Variants in ASAP1 observed in about 807,000 individuals in gnomAD.
The protein encoded by ASAP1 is ArfGAP with SH3 domain, ankyrin repeat and PH domain 1.
ASAP1 carries 43 observed loss-of-function variants against 145.2 expected under a neutral mutation model. The ratio of observed to expected loss-of-function variants is 0.30; its 90% CI spans 0.23 to 0.38. ASAP1 has a LOEUF of 0.38. ASAP1 is among the 10% of genes least tolerant of loss of function. ASAP1 has a pLI of 1.00. For missense variants in ASAP1, 1,018 were observed against 1,355.3 expected (o/e 0.75, Z 3.91); for synonymous variants, 546 against 515.5 (o/e 1.06, Z -0.80).
intron 14 of ASAP1, among the ~76,000 whole-genome samples, chr8:130,135,098 G>C (rs1178267620): frequency 6.6e-6 from 1 of 152,190 alleles, no homozygotes; most frequent in Non-Finnish European, 1.5e-5. Flanking sequence ...AATATATTCA[G>C]GTCAAACTAA....
At chr8:130,396,988 C>T (rs1235555978) in intron 2 of ASAP1, among the ~76,000 whole-genome samples, 1 of 152,158 alleles carries the variant, frequency 6.6e-6, no homozygotes, top group South Asian at 2.1e-4. Context: ...CCATGTGCTG[C>T]GCTCCTGTCT....
intron 23 of ASAP1, among the ~76,000 whole-genome samples, chr8:130,113,229 C>T (rs377628880): frequency 1.8e-4 from 27 of 152,308 alleles, no homozygotes; most frequent in African/African-American, 6.3e-4. Flanking sequence ...CAGCTGCCTG[C>T]CTCTCCCCAC....
chr8:130,206,466 C>A (rs997501235), intron 5 of ASAP1, among the ~76,000 whole-genome samples: 2 of 150,938 alleles, frequency 1.3e-5, no homozygotes, highest in Non-Finnish European at 1.5e-5. Context: ...AAAAAAAAAA[C>A]AACTTTAACA....
intron 3 of ASAP1, among the ~76,000 whole-genome samples, chr8:130,277,353 C>T (rs775689780): frequency 2.6e-5 from 4 of 152,104 alleles, no homozygotes; most frequent in Non-Finnish European, 5.9e-5. Context: ...TAACTATAAG[C>T]CATACTAGTT....
At chr8:130,417,235 C>G (rs1829521840) in intron 1 of ASAP1, among the ~76,000 whole-genome samples, 1 of 144,224 alleles carries the variant, frequency 6.9e-6, no homozygotes, top group Non-Finnish European at 1.6e-5. Flanking sequence ...TGCACACATA[C>G]AGACAGACAG....
At chr8:130,074,440 A>AACACACACACACACACACAC in intron 27 of ASAP1, among the ~76,000 whole-genome samples, 1 of 119,330 alleles carries the variant, frequency 8.4e-6, no homozygotes, top group East Asian at 3.0e-4. Flanking sequence ...CCAAATAGTA[A>AACACACACACACACACACAC]ACACACACAC....
At chr8:130,401,861 C>A (rs376889213) in intron 2 of ASAP1, 24 bp downstream of exon 2, 5 of 1,608,060 alleles carry the variant, frequency 3.1e-6, no homozygotes, top group Admixed American at 1.7e-5. Context: ...GTTTTCTGGA[C>A]AGGATGGGCT....
At chr8:130,359,406 C>A (rs891902457) in intron 2 of ASAP1, among the ~76,000 whole-genome samples, 5 of 151,904 alleles carry the variant, frequency 3.3e-5, no homozygotes, top group African/African-American at 9.7e-5. Flanking sequence ...TTTAATTTCT[C>A]ACCATTCGCT....
At chr8:130,312,812 C>T (rs1468472059) in intron 3 of ASAP1, among the ~76,000 whole-genome samples, 1 of 152,162 alleles carries the variant, frequency 6.6e-6, no homozygotes, top group African/African-American at 2.4e-5. Context: ...TTAGCTTGTT[C>T]TACCATTTAG....
chr8:130,373,084 AC>A (rs200162907), intron 2 of ASAP1, among the ~76,000 whole-genome samples: 11 of 140,522 alleles, frequency 7.8e-5, no homozygotes, highest in African/African-American at 2.7e-4. Flanking sequence ...ACACACAGAC[AC>A]CCCCCCACAC....
At position 130,300,153 on chromosome 8, in the gene ASAP1, C is replaced by CAGAGAGAGAGAGAGAGAG. The variant is rs369720584; in HGVS notation, c.186+57846_186+57863dup. On this transcript the variant is annotated intron_variant, in intron 3 of 29. Coordinates refer to ENST00000518721, the MANE Select transcript of ASAP1 (RefSeq NM_018482.4). ...ACACACACACACACACACACACACA[C>CAGAGAGAGAGAGAGAGAG]AGAGAGAGAGAGAGAGAGAGAGAGA... 1.2e-3 allele frequency among the ~76,000 whole-genome samples: 93 copies of CAGAGAGAGAGAGAGAGAG among 76,914 alleles called. 2 individuals carry two copies. Among genetic ancestry groups the CAGAGAGAGAGAGAGAGAG allele is most frequent in the Admixed American group, 2.8e-3 (18 of 6,458 alleles). 50.5% of individuals were successfully genotyped at this position (76,914 alleles called of 152,430 possible).
intron 3 of ASAP1, among the ~76,000 whole-genome samples, chr8:130,256,967 A>T (rs2136932754): frequency 6.6e-6 from 1 of 151,666 alleles, no homozygotes. Flanking sequence ...ATGGAGCTGG[A>T]GTGCTAAAGG....
At chr8:130,394,105 G>A (rs1828409246) in intron 2 of ASAP1, among the ~76,000 whole-genome samples, 2 of 152,176 alleles carry the variant, frequency 1.3e-5, no homozygotes, top group African/African-American at 2.4e-5. Flanking sequence ...ATGAAATCTG[G>A]GCACCTTGAA....
intron 24 of ASAP1, among the ~76,000 whole-genome samples, chr8:130,095,241 T>C (rs183458066): frequency 6.6e-6 from 1 of 152,044 alleles, no homozygotes; most frequent in Non-Finnish European, 1.5e-5. Flanking sequence ...AGAGTAAATA[T>C]TTACTGAATA....
intron 1 of ASAP1, among the ~76,000 whole-genome samples, chr8:130,428,849 CA>C (rs527709679): frequency 3.6e-4 from 55 of 152,230 alleles, no homozygotes; most frequent in Admixed American, 1.4e-3. Context: ...CTAGGGCTGT[CA>C]TTAAAAAGTA....
chr8:130,321,406 G>A (rs1823995573), intron 3 of ASAP1, among the ~76,000 whole-genome samples: 1 of 151,982 alleles, frequency 6.6e-6, no homozygotes, highest in Admixed American at 6.6e-5. Flanking sequence ...GGCATGTGAG[G>A]GTCAATCAGT....
In ASAP1 at chr8:130,198,070, G is replaced by C. The variant is rs1815622343; in HGVS notation, c.406-9887C>G. Reference sequence around the variant, plus strand: ...CCTGGTGCCTTCCCTACTGAGGCTAGGGGTTTGGCACAACAACTACATAAT... The same window carrying C: ...CCTGGTGCCTTCCCTACTGAGGCTACGGGTTTGGCACAACAACTACATAAT... On this transcript the variant is annotated intron_variant, in intron 5 of 29. Transcript: ENST00000518721. Among the ~76,000 whole-genome samples the C allele has an allele frequency of 3.9e-5, 6 of 152,170 alleles. No individual in the cohort carries two copies. In the South Asian group the frequency reaches 1.2e-3, roughly 32 times the overall value.
At chr8:130,160,224 A>G (rs1201999825) in intron 11 of ASAP1, among the ~76,000 whole-genome samples, 1 of 152,186 alleles carries the variant, frequency 6.6e-6, no homozygotes, top group Admixed American at 6.5e-5. Flanking sequence ...TCTGAACTGA[A>G]TTCAAACAAG....
intron 3 of ASAP1, among the ~76,000 whole-genome samples, chr8:130,271,292 T>C (rs994219309): frequency 2.6e-5 from 4 of 152,242 alleles, no homozygotes; most frequent in Admixed American, 1.3e-4. Flanking sequence ...TTATCCTATA[T>C]GTACCTTCAA....
Sources: allele counts gnomAD v4.1 joint callset (sites outside exome capture counted in the v4.1 genomes callset), GRCh38; gene constraint gnomAD v4.1.1; transcripts MANE v1.5; gene names NCBI Gene and HGNC (gene_info 2026-07-23, HGNC 2026-07-21).